The following TAF10 variants were observed in gnomAD, a reference collection of about 807,000 sequenced individuals.
TAF10 encodes the protein transcription initiation factor TFIID subunit 10.
TAF10 carries 2 observed loss-of-function variants against 18.1 expected under a neutral mutation model. The ratio of observed to expected loss-of-function variants is 0.11; its 90% CI spans 0.05 to 0.35. The LOEUF (loss-of-function observed/expected upper bound fraction) is 0.35, where lower values mean the gene tolerates loss of function less well. TAF10 is among the 10% of genes least tolerant of loss of function. The pLI is 1.00. For synonymous variants in TAF10, 158 were observed against 134.6 expected, an observed-to-expected ratio of 1.17 and a Z score of -1.20; for missense variants, 293 against 306.9, an observed-to-expected ratio of 0.95 and a Z score of 0.34.
At position 6,608,123 on chromosome 11, in the gene TAF10, G is replaced by A. The variant is rs141701406; in HGVS notation, c.*2799C>T. 6.2e-7 allele frequency: 1 copy of A among 1,614,064 alleles called. No homozygotes were observed. Among genetic ancestry groups the A allele is most frequent in the Non-Finnish European group, 8.5e-7 (1 of 1,179,950 alleles). On this transcript the variant is annotated 3_prime_UTR_variant, in exon 5 of 5. Coordinates refer to ENST00000299424, the MANE Select transcript of TAF10 (RefSeq NM_006284.4). The surrounding 1 kb of genome is among the most constrained non-coding windows in gnomAD (Gnocchi z 4.9). ...GCTGTGGTTGAGATGTTGATCATGCGGGGGGCACGGATCAATGTAATGAAC... is the reference window on the plus strand; with the variant it reads ...GCTGTGGTTGAGATGTTGATCATGCAGGGGGCACGGATCAATGTAATGAAC...
Position 6,608,461 on chromosome 11 carries a change from GT to G in TAF10, c.*2460del. The stretch of plus-strand genomic sequence containing the variant: ...GGGAATGTGCCCCTGCACTATGCCT[GT>G]TTTTGGGGCCAAGATCAAGTGGCAG... On this transcript the variant is annotated 3_prime_UTR_variant, in exon 5 of 5. Coordinates refer to ENST00000299424, the MANE Select transcript of TAF10 (RefSeq NM_006284.4). The surrounding 1 kb of genome is among the most constrained non-coding windows in gnomAD (Gnocchi z 4.9). 6.2e-7 allele frequency: 1 copy of G among 1,613,806 alleles called. No homozygotes were observed. The highest frequency in any genetic ancestry group is 8.5e-7 in the Non-Finnish European group (1 of 1,179,666).
At position 6,611,007 on chromosome 11, in the gene TAF10, C is replaced by A; in HGVS notation, c.572G>T (p.Arg191Leu). Reference protein sequence around the residue: ...SGSSRSKSKDRKYTLTMEDLT... With the variant: ...SGSSRSKSKDLKYTLTMEDLT... ...GTCCTCCATGGTTAGAGTGTACTTG[C>A]GGTCCTGAGGGAAGAGGGAAGAGCA... The change falls in exon 5 of 5, where the codon CGC (arginine) becomes CTC (leucine). Residue 191 changes from arginine to leucine, a missense_variant. Arg to Leu is a moderately radical substitution (Grantham distance 102, BLOSUM62 -2). Coordinates refer to ENST00000299424, the MANE Select transcript of TAF10 (RefSeq NM_006284.4). 6.2e-7 allele frequency: 1 copy of A among 1,613,956 alleles called. No homozygotes were observed. Among genetic ancestry groups the A allele is most frequent in the Non-Finnish European group, 8.5e-7 (1 of 1,179,988 alleles).
chr11:6,611,574 G>A, intron 2 of TAF10, 90 bp downstream of exon 2: 1 of 1,590,152 alleles, frequency 6.3e-7, no homozygotes. Flanking sequence ...AGAGCGACTA[G>A]GGGAGCAAAT....
At position 6,609,395 on chromosome 11, in the gene TAF10, T is replaced by G. The variant is rs776545789; in HGVS notation, c.*1527A>C. On this transcript the variant is annotated 3_prime_UTR_variant, in exon 5 of 5. Transcript: ENST00000299424. ...GAAGAGCAGGGACTTCAATGAAGAG[T>G]GTCCCCGGCTCAGGTAGTGCAAGGC... is the stretch of plus-strand genomic sequence containing the variant. The G allele has an allele frequency of 6.2e-7, 1 of 1,613,618 alleles. No homozygotes were observed. The highest frequency in any genetic ancestry group is 2.2e-5 in the East Asian group (1 of 44,870).
At position 6,610,996 on chromosome 11, in the gene TAF10, GAGT is replaced by G; in HGVS notation, c.580_582del (p.Thr194del). On this transcript the variant is annotated inframe_deletion, in exon 5 of 5. Transcript: ENST00000299424. ...GCAGGGGTCAAGTCCTCCATGGTTA[GAGT>G]GTACTTGCGGTCCTGAGGGAAGAGG... 1 of 1,614,154 alleles carries G rather than the reference GAGT, an allele frequency of 6.2e-7. No homozygotes were observed. Among genetic ancestry groups the G allele is most frequent in the Non-Finnish European group, 8.5e-7 (1 of 1,180,038 alleles).
Position 6,610,700 on chromosome 11 carries a change from C to T in TAF10, c.*222G>A. The stretch of plus-strand genomic sequence containing the variant: ...CAAAGCAGCAGGCCTCTGGTTGCCT[C>T]CCCCGCCTCCAGTCATGGTACTACC... On this transcript the variant is annotated 3_prime_UTR_variant, in exon 5 of 5. Transcript: ENST00000299424. The T allele has an allele frequency of 6.6e-7, 1 of 1,513,022 alleles. No individual in the cohort carries two copies. The highest frequency in any genetic ancestry group is 9.1e-7 in the Non-Finnish European group (1 of 1,094,346). The allele number at this position is 1,513,022 out of a possible 1,614,324, so 93.7% of individuals were successfully genotyped here. A position where few individuals can be genotyped will look rare whatever the true frequency, so the allele number is the denominator to read the frequency against.
rs753781705 is a variant in TAF10 at position 6,609,057 on chromosome 11, G to GC, written c.*1864dup. 8 of 1,613,152 alleles carry GC rather than the reference G, an allele frequency of 5.0e-6. No individual in the cohort carries two copies. Among genetic ancestry groups the GC allele is most frequent in the Non-Finnish European group, 6.8e-6 (8 of 1,179,098 alleles). On this transcript the variant is annotated 3_prime_UTR_variant, in exon 5 of 5. Coordinates refer to ENST00000299424, the MANE Select transcript of TAF10 (RefSeq NM_006284.4). ...TAGGGTGAAGCTGGGTACCTGACCT[G>GC]CCCACACTCTTAGGAAATGGAACCC...
Position 6,608,115 on chromosome 11 carries a change from G to A in TAF10, c.*2807C>T, listed in dbSNP as rs1341380458. 6.2e-7 allele frequency: 1 copy of A among 1,614,026 alleles called. No individual in the cohort carries two copies. The highest frequency in any genetic ancestry group is 2.2e-5 in the East Asian group (1 of 44,896). ...GCCGCTCTGCTGTGGTTGAGATGTTGATCATGCGGGGGGCACGGATCAATG... is the reference window on the plus strand; with the variant it reads ...GCCGCTCTGCTGTGGTTGAGATGTTAATCATGCGGGGGGCACGGATCAATG... On this transcript the variant is annotated 3_prime_UTR_variant, in exon 5 of 5. Coordinates refer to ENST00000299424, the MANE Select transcript of TAF10 (RefSeq NM_006284.4). This position sits in a 1 kb window ranked among gnomAD's most constrained non-coding sequence, Gnocchi z 4.9.
chr11:6,608,279 C>G lies in TAF10; in HGVS notation c.*2643G>C, dbSNP rs374050454. 2 of 1,579,206 alleles carry G rather than the reference C, an allele frequency of 1.3e-6. No individual in the cohort carries two copies. Among genetic ancestry groups the G allele is most frequent in the Admixed American group, 3.3e-5 (2 of 59,956 alleles). ...TGAGGGTCAGTCACAGGCACTGTAA[C>G]ATACAGTAGAAAGCATGTGTGCTCT... On this transcript the variant is annotated 3_prime_UTR_variant, in exon 5 of 5. Coordinates refer to ENST00000299424, the MANE Select transcript of TAF10 (RefSeq NM_006284.4). This position sits in a 1 kb window ranked among gnomAD's most constrained non-coding sequence, Gnocchi z 4.9.
In TAF10 at chr11:6,608,160, C is replaced by T. The variant is rs1855122941; in HGVS notation, c.*2762G>A. The T allele has an allele frequency of 6.2e-7, 1 of 1,614,030 alleles. No individual in the cohort carries two copies. The highest frequency in any genetic ancestry group is 1.3e-5 in the African/African-American group (1 of 74,902). On this transcript the variant is annotated 3_prime_UTR_variant, in exon 5 of 5. Coordinates refer to ENST00000299424, the MANE Select transcript of TAF10 (RefSeq NM_006284.4). This position sits in a 1 kb window ranked among gnomAD's most constrained non-coding sequence, Gnocchi z 4.9. Reference sequence around the variant, plus strand: ...TCAATGTAATGAACCGTGGGGATGACACCCCCCTGCATCTGGCAGCCAGTC... The same window carrying T: ...TCAATGTAATGAACCGTGGGGATGATACCCCCCTGCATCTGGCAGCCAGTC...
chr11:6,607,772 G>A lies in TAF10; in HGVS notation c.*3150C>T, dbSNP rs1430970831. On this transcript the variant is annotated 3_prime_UTR_variant, in exon 5 of 5. Coordinates refer to ENST00000299424, the MANE Select transcript of TAF10 (RefSeq NM_006284.4). Reference sequence around the variant, plus strand: ...AGAAGGGGTGCAAGAGAAACCAGGGGAAGAGCACTACCACCTAAGGAAATG... The same window carrying A: ...AGAAGGGGTGCAAGAGAAACCAGGGAAAGAGCACTACCACCTAAGGAAATG... The A allele has an allele frequency of 1.7e-5, 8 of 483,748 alleles. No individual in the cohort carries two copies. The highest frequency in any genetic ancestry group is 3.9e-5 in the East Asian group (1 of 25,498). 30.0% of individuals were successfully genotyped at this position (483,748 alleles called of 1,614,324 possible). A position where few individuals can be genotyped will look rare whatever the true frequency, so the allele number is the denominator to read the frequency against.
rs1564852043 is a variant in TAF10 at position 6,611,320 on chromosome 11, TAGATG to T, written c.453-22_453-18del. The T allele has an allele frequency of 3.1e-6, 5 of 1,613,920 alleles. No homozygotes were observed. The highest frequency in any genetic ancestry group is 4.2e-6 in the Non-Finnish European group (5 of 1,179,986). ...AGCCGAATTCTAGAGAGAAAAAACTTAGATGAGAAGGAGATGGACAACATACTGCA... is the reference window on the plus strand; with the variant it reads ...AGCCGAATTCTAGAGAGAAAAAACTTAGAAGGAGATGGACAACATACTGCA... On this transcript the variant is annotated intron_variant, in intron 3 of 4. Transcript: ENST00000299424.
At position 6,608,102 on chromosome 11, in the gene TAF10, T is replaced by C. The variant is rs201499797; in HGVS notation, c.*2820A>G. ...GCCTGCCGAGAGGGCCGCTCTGCTG[T>C]GGTTGAGATGTTGATCATGCGGGGG... is the stretch of plus-strand genomic sequence containing the variant. On this transcript the variant is annotated 3_prime_UTR_variant, in exon 5 of 5. Coordinates refer to ENST00000299424, the MANE Select transcript of TAF10 (RefSeq NM_006284.4). The surrounding 1 kb of genome is among the most constrained non-coding windows in gnomAD (Gnocchi z 4.9). 3 of 1,614,126 alleles carry C rather than the reference T, an allele frequency of 1.9e-6. No individual in the cohort carries two copies. Among genetic ancestry groups the C allele is most frequent in the Non-Finnish European group, 2.5e-6 (3 of 1,180,022 alleles).
In TAF10 at chr11:6,610,579, G is replaced by A. The variant is rs1191199055; in HGVS notation, c.*343C>T. On this transcript the variant is annotated 3_prime_UTR_variant, in exon 5 of 5. Transcript: ENST00000299424. ...AAAGCGACCCAAATTTGACATGATT[G>A]TGCCTATCCTTGAGAAGATGCAGGA... 1.9e-6 allele frequency: 3 copies of A among 1,614,086 alleles called. No individual in the cohort carries two copies. The highest frequency in any genetic ancestry group is 2.2e-5 in the South Asian group (2 of 91,092).
rs2134559450 is a variant in TAF10, at chr11:6,608,910, C to G, written c.*2012G>C. ...GCGGGCAGAGAAGATGGGCCAGAAT[C>G]TCAACCGTATTCCATACAAGGACAC... On this transcript the variant is annotated 3_prime_UTR_variant, in exon 5 of 5. Coordinates refer to ENST00000299424, the MANE Select transcript of TAF10 (RefSeq NM_006284.4). This position sits in a 1 kb window ranked among gnomAD's most constrained non-coding sequence, Gnocchi z 4.9. The G allele has an allele frequency of 6.2e-7, 1 of 1,614,230 alleles. No individual in the cohort carries two copies. The highest frequency in any genetic ancestry group is 1.6e-4 in the Middle Eastern group (1 of 6,062).
chr11:6,609,012 C>T lies in TAF10; in HGVS notation c.*1910G>A, dbSNP rs762399660. 2.2e-5 allele frequency: 35 copies of T among 1,612,626 alleles called. No homozygotes were observed. Among genetic ancestry groups the T allele is most frequent in the Middle Eastern group, 1.6e-4 (1 of 6,084 alleles). The stretch of plus-strand genomic sequence containing the variant: ...AGAAGGGTTGTAAAAGGAAATAATC[C>T]TGGCCTCTTGGGGCTGGGTTAGGGT... On this transcript the variant is annotated 3_prime_UTR_variant, in exon 5 of 5. Transcript: ENST00000299424.
intron 2 of TAF10, 68 bp from the exon 3 acceptor site, chr11:6,611,520 T>G (rs1380454025): frequency 4.9e-5 from 78 of 1,603,726 alleles, no homozygotes; most frequent in Non-Finnish European, 6.6e-5. Context: ...TAGGCCTGAT[T>G]ATCAGGAAGC....
rs548542841 is a variant in TAF10, at chr11:6,609,152, G to A, written c.*1770C>T. 2.4e-5 allele frequency: 38 copies of A among 1,613,762 alleles called. No homozygotes were observed. The South Asian group carries it at 3.7e-4, about 16-fold the overall frequency. Reference sequence around the variant, plus strand: ...ACGAAGCTCAACGAGAATCACTCTGGAGAGGTGACCCCTGCCCTTCTTGCC... The same window carrying A: ...ACGAAGCTCAACGAGAATCACTCTGAAGAGGTGACCCCTGCCCTTCTTGCC... On this transcript the variant is annotated 3_prime_UTR_variant, in exon 5 of 5. Transcript: ENST00000299424.
In TAF10 at chr11:6,607,808, T is replaced by C. The variant is rs562409731; in HGVS notation, c.*3114A>G. ...CCACCTAAGGAAATGAGATGTGGGA[T>C]ATGGTGAAGATAACACATTTTTTTA... is the stretch of plus-strand genomic sequence containing the variant. On this transcript the variant is annotated 3_prime_UTR_variant, in exon 5 of 5. Coordinates refer to ENST00000299424, the MANE Select transcript of TAF10 (RefSeq NM_006284.4). 1,007 of 550,902 alleles carry C rather than the reference T, an allele frequency of 1.8e-3. 2 individuals carry two copies. Among genetic ancestry groups the C allele is most frequent in the Non-Finnish European group, 2.5e-3 (777 of 306,066 alleles). 34.1% of individuals were successfully genotyped at this position (550,902 alleles called of 1,614,324 possible).
Sources: allele counts gnomAD v4.1 joint callset, GRCh38; gene constraint gnomAD v4.1.1; non-coding constraint Gnocchi (gnomAD v3.1); transcripts MANE v1.5; gene names NCBI Gene and HGNC (gene_info 2026-07-23, HGNC 2026-07-21).